TMEFF2: variants seen among roughly 807,000 people sequenced by gnomAD.
TMEFF2 encodes transmembrane protein with EGF like and two follistatin like domains 2.
A neutral mutation model predicts 53.8 loss-of-function variants in TMEFF2; 28 were observed. The ratio of observed to expected loss-of-function variants is 0.52; its 90% CI spans 0.39 to 0.71. TMEFF2 has a LOEUF of 0.71. Ranked by LOEUF, TMEFF2 falls within the 30% of genes least tolerant of loss-of-function variation. The probability of loss-of-function intolerance (pLI) is 0.00; values close to 1 mark genes in which losing one functional copy is unlikely to be tolerated. For missense variants in TMEFF2, 353 were observed against 455.2 expected (o/e 0.78, Z 2.04); for synonymous variants, 162 against 166.3 (o/e 0.97, Z 0.20).
intron 7 of TMEFF2, among the ~76,000 whole-genome samples, chr2:191,964,212 C>T (rs1021938522): frequency 1.4e-5 from 2 of 142,218 alleles, no homozygotes; most frequent in Non-Finnish European, 1.5e-5. Context: ...TTCTTTCTCT[C>T]TTTCTGTCTG....
chr2:192,188,823 T>G (rs1479620190), intron 2 of TMEFF2, among the ~76,000 whole-genome samples: 1 of 60,108 alleles, frequency 1.7e-5, no homozygotes, highest in Non-Finnish European at 3.3e-5. Context: ...TCCTCCCCGC[T>G]TTTCTATCTA....
intron 7 of TMEFF2, among the ~76,000 whole-genome samples, chr2:191,997,208 TTC>T (rs1353569702): frequency 4.6e-5 from 7 of 151,874 alleles, no homozygotes; most frequent in African/African-American, 1.7e-4. Context: ...CCATGATAAT[TTC>T]TGTCTTATAG....
At chr2:192,073,250 A>G (rs1243216513) in intron 4 of TMEFF2, among the ~76,000 whole-genome samples, 3 of 151,910 alleles carry the variant, frequency 2.0e-5, no homozygotes, top group Non-Finnish European at 4.4e-5. Context: ...ACCTGGCAGA[A>G]TCCCAGGGCA....
chr2:191,988,942 T>C (rs1450504593), intron 7 of TMEFF2, among the ~76,000 whole-genome samples: 3 of 152,202 alleles, frequency 2.0e-5, no homozygotes, highest in African/African-American at 7.2e-5. Flanking sequence ...AAGTTAAACA[T>C]TAACAACGTC....
chr2:192,000,702 G>A (rs1686335732), intron 5 of TMEFF2, among the ~76,000 whole-genome samples: 1 of 152,182 alleles, frequency 6.6e-6, no homozygotes, highest in Non-Finnish European at 1.5e-5. Flanking sequence ...GACCATCTGT[G>A]TCAGAATTAC....
chr2:192,089,645 C>T (rs1688744941), intron 4 of TMEFF2, among the ~76,000 whole-genome samples: 1 of 152,096 alleles, frequency 6.6e-6, no homozygotes, highest in African/African-American at 2.4e-5. Flanking sequence ...ACTGAACCTG[C>T]ATGTAGCCAC....
chr2:192,026,676 C>T (rs1187464083), intron 5 of TMEFF2, among the ~76,000 whole-genome samples: 1 of 152,096 alleles, frequency 6.6e-6, no homozygotes, highest in Non-Finnish European at 1.5e-5. Flanking sequence ...TTAAATGGCA[C>T]ACTGATGCAT....
intron 1 of TMEFF2, among the ~76,000 whole-genome samples, chr2:192,192,539 A>G (rs1356096790): frequency 6.6e-6 from 1 of 152,186 alleles, no homozygotes; most frequent in Non-Finnish European, 1.5e-5. Flanking sequence ...GTTTGGCTCA[A>G]ATGAAGATTG....
intron 4 of TMEFF2, among the ~76,000 whole-genome samples, chr2:192,113,513 T>C (rs1014807621): frequency 1.3e-5 from 2 of 152,184 alleles, no homozygotes; most frequent in African/African-American, 4.8e-5. Flanking sequence ...GGGATATTTC[T>C]TCCTTAAGAA....
Position 191,978,191 on chromosome 2 carries a change from C to G in TMEFF2, c.745+20071G>C, listed in dbSNP as rs145708417. Among the ~76,000 whole-genome samples the G allele has an allele frequency of 5.7e-3, 867 of 152,188 alleles. 2 individuals are homozygous for G. The highest frequency in any genetic ancestry group is 9.9e-3 in the Non-Finnish European group (670 of 68,002). ...AGAGACTGTATAGTTTCGGATGTAG[C>G]CAGTATGCATCTTGCTACCTTTTCC... On this transcript the variant is annotated intron_variant, in intron 7 of 9. Coordinates refer to ENST00000272771, the MANE Select transcript of TMEFF2 (RefSeq NM_016192.4).
chr2:192,026,402 A>G (rs1293732040), intron 5 of TMEFF2, among the ~76,000 whole-genome samples: 1 of 152,198 alleles, frequency 6.6e-6, no homozygotes, highest in Non-Finnish European at 1.5e-5. Flanking sequence ...GTCAATGCAC[A>G]TTAATATTTG....
intron 4 of TMEFF2, among the ~76,000 whole-genome samples, chr2:192,106,405 G>C (rs202058640): frequency 6.6e-6 from 1 of 151,594 alleles, no homozygotes; most frequent in African/African-American, 2.4e-5. Context: ...GGATGTTTTT[G>C]TTTCTTATTA....
intron 7 of TMEFF2, among the ~76,000 whole-genome samples, chr2:191,989,799 C>G (rs1041292133): frequency 6.6e-6 from 1 of 152,090 alleles, no homozygotes; most frequent in Admixed American, 6.6e-5. Context: ...TCTCTGCCCC[C>G]CAACTTCCAA....
chr2:192,033,612 T>C (rs12470188), intron 5 of TMEFF2, among the ~76,000 whole-genome samples: 28,659 of 151,562 alleles, frequency 0.19, 3,025 homozygotes, highest in East Asian at 0.38. Context: ...TCCATCTGTT[T>C]GGCCCTCCAT....
At chr2:192,170,422 C>G (rs62180440) in intron 4 of TMEFF2, among the ~76,000 whole-genome samples, 2,564 of 152,108 alleles carry the variant, frequency 0.017, 28 homozygotes, top group Non-Finnish European at 0.025. Flanking sequence ...GCAGAGTACA[C>G]CATTTTTTTT....
intron 4 of TMEFF2, among the ~76,000 whole-genome samples, chr2:192,110,913 T>C (rs1253021967): frequency 6.6e-6 from 1 of 152,170 alleles, no homozygotes; most frequent in Non-Finnish European, 1.5e-5. Flanking sequence ...TGAGATCTGA[T>C]GGTTTTATAA....
intron 4 of TMEFF2, among the ~76,000 whole-genome samples, chr2:192,171,499 C>G (rs1690912579): frequency 6.6e-6 from 1 of 151,926 alleles, no homozygotes; most frequent in African/African-American, 2.4e-5. Context: ...TCCAATGGCT[C>G]CCTGCTCACC....
At chr2:192,156,700 C>G (rs1690514207) in intron 4 of TMEFF2, among the ~76,000 whole-genome samples, 1 of 152,018 alleles carries the variant, frequency 6.6e-6, no homozygotes. Flanking sequence ...AATCCCAGCT[C>G]TCAAATCCGA....
chr2:191,959,468 T>C (rs1254822489), intron 7 of TMEFF2, among the ~76,000 whole-genome samples: 1 of 152,160 alleles, frequency 6.6e-6, no homozygotes, highest in Non-Finnish European at 1.5e-5. Context: ...TCTACCCTGG[T>C]GCTTGCAGGG....
Sources: allele counts gnomAD v4.1 joint callset (sites outside exome capture counted in the v4.1 genomes callset), GRCh38; gene constraint gnomAD v4.1.1; transcripts MANE v1.5; gene names NCBI Gene and HGNC (gene_info 2026-07-23, HGNC 2026-07-21).